Variants in CFAP54 observed in about 807,000 individuals in gnomAD.
CFAP54 encodes the protein cilia- and flagella-associated protein 54.
Under a neutral mutation model 370.4 loss-of-function variants are expected in CFAP54, and 290 were observed. The observed-to-expected ratio is 0.78, with a 90% CI of 0.71 to 0.86. The LOEUF (loss-of-function observed/expected upper bound fraction) is 0.86. Ranked by LOEUF, CFAP54 falls within the 40% of genes least tolerant of loss-of-function variation. The pLI is 0.00. For missense variants in CFAP54, 3,399 were observed against 3,528.7 expected (o/e 0.96, Z 0.93); for synonymous variants, 1,206 against 1,236.5 (o/e 0.98, Z 0.52).
chr12:96,695,132 C>T (rs1372368563), intron 45 of CFAP54, among the ~76,000 whole-genome samples: 1 of 152,188 alleles, frequency 6.6e-6, no homozygotes, highest in Admixed American at 6.5e-5. Context: ...CTTCAAGCTA[C>T]CGACAAGACA....
intron 60 of CFAP54, among the ~76,000 whole-genome samples, chr12:96,779,090 C>T (rs566142601): frequency 1.8e-4 from 24 of 136,114 alleles, no homozygotes; most frequent in South Asian, 6.8e-4. Flanking sequence ...CTGGGCAACA[C>T]GAGTGAATCT....
At chr12:96,635,580 G>GT (rs1956655181) in intron 32 of CFAP54, among the ~76,000 whole-genome samples, 1 of 152,082 alleles carries the variant, frequency 6.6e-6, no homozygotes, top group Admixed American at 6.6e-5. Flanking sequence ...TGCTGACACT[G>GT]TCGACATACA....
intron 26 of CFAP54, among the ~76,000 whole-genome samples, chr12:96,600,828 G>A (rs1209831987): frequency 6.6e-6 from 1 of 152,206 alleles, no homozygotes; most frequent in Non-Finnish European, 1.5e-5. Flanking sequence ...AGACTTTGCT[G>A]AAGCTGCTTA....
chr12:96,700,353 T>A (rs1957478753), intron 46 of CFAP54, among the ~76,000 whole-genome samples: 1 of 152,184 alleles, frequency 6.6e-6, no homozygotes, highest in Admixed American at 6.5e-5. Flanking sequence ...TTGCTTTTTG[T>A]TAGTTACCAT....
intron 65 of CFAP54, among the ~76,000 whole-genome samples, chr12:96,819,083 G>A (rs1044058991): frequency 6.6e-5 from 10 of 152,160 alleles, no homozygotes; most frequent in Middle Eastern, 3.2e-3. Flanking sequence ...CCACAATTCC[G>A]CTCTGCAGAG....
chr12:96,733,328 T>G (rs1957943273), intron 50 of CFAP54, among the ~76,000 whole-genome samples: 1 of 152,174 alleles, frequency 6.6e-6, no homozygotes, highest in Non-Finnish European at 1.5e-5. Context: ...AAATGATGGT[T>G]AGCTTGACAT....
rs1956815697 is a variant in CFAP54, at chr12:96,647,943, T to C, written c.4616T>C (p.Leu1539Ser). ...GGAACAGTATTACCAACAAGAAAAT[T>C]GACTGTAGAAAATTATAAAGCAATG... ...NSGTVLPTRK[L>S]TVENYKAMLD... is the part of the protein sequence containing the mutation. Residue 1539 changes from leucine (L) to serine (S), a missense_variant, in exon 34 of 68, where the codon TTG (leucine) becomes TCG (serine). By Grantham distance (145) the Leu-to-Ser change is moderately radical (BLOSUM62 -2). Around this residue, in one of 3 missense-constraint regions of CFAP54, gnomAD observed 2,796 missense variants for 2,869.7 expected, o/e 0.97. Transcript: ENST00000524981. 16 of 1,523,340 alleles carry C rather than the reference T, an allele frequency of 1.1e-5. No homozygotes were observed. The highest frequency in any genetic ancestry group is 1.4e-5 in the Non-Finnish European group (16 of 1,142,990). 94.4% of individuals were successfully genotyped at this position (1,523,340 alleles called of 1,614,324 possible).
chr12:96,812,897 C>A (rs1195127182), intron 64 of CFAP54, among the ~76,000 whole-genome samples: 1 of 151,826 alleles, frequency 6.6e-6, no homozygotes, highest in Non-Finnish European at 1.5e-5. Context: ...CTCTCCTGTT[C>A]TTCCCTTCCT....
intron 32 of CFAP54, among the ~76,000 whole-genome samples, chr12:96,643,797 T>G (rs1956760927): frequency 6.6e-6 from 1 of 152,168 alleles, no homozygotes; most frequent in African/African-American, 2.4e-5. Context: ...TAAGGACCAA[T>G]ATAGAGAAAT....
chr12:96,686,310 A>T (rs1188926224), intron 42 of CFAP54, among the ~76,000 whole-genome samples: 2 of 151,990 alleles, frequency 1.3e-5, no homozygotes, highest in Admixed American at 6.6e-5. Flanking sequence ...CCTCATTTTC[A>T]CTTAGTTACT....
chr12:96,576,497 A>G, intron 19 of CFAP54, 88 bp from the exon 20 acceptor site: 1 of 991,938 alleles, frequency 1.0e-6, no homozygotes, highest in Non-Finnish European at 1.4e-6. Flanking sequence ...TAAAAATATA[A>G]CATTGTTTAA....
rs1276518802 is a variant in CFAP54 at position 96,720,435 on chromosome 12, C to A, written c.6835C>A (p.Leu2279Ile). The A allele has an allele frequency of 6.3e-7, 1 of 1,580,826 alleles. No individual in the cohort carries two copies. Among genetic ancestry groups the A allele is most frequent in the Non-Finnish European group, 8.6e-7 (1 of 1,162,180 alleles). The change falls in exon 50 of 68, where the codon CTA becomes ATA. Residue 2279 changes from leucine (L) to isoleucine (I), a missense_variant. Transcript: ENST00000524981. ...SMLLMEAEDR[L>I]NFLLSEVEQK... ...GTTACTGATGGAAGCTGAGGACAGG[C>A]TAAACTTCCTTCTGTCCGAGGTGGA...
chr12:96,540,498 G>A (rs1167936673), intron 13 of CFAP54, among the ~76,000 whole-genome samples: 3 of 152,032 alleles, frequency 2.0e-5, no homozygotes, highest in African/African-American at 4.8e-5. Flanking sequence ...TGCTTCAAAG[G>A]GACAGTGAGA....
intron 22 of CFAP54, among the ~76,000 whole-genome samples, chr12:96,583,669 G>A (rs1956050961): frequency 6.6e-6 from 1 of 152,186 alleles, no homozygotes; most frequent in Admixed American, 6.5e-5. Context: ...ATCCCTAAAA[G>A]GGTGTCTCAG....
chr12:96,774,588 CTCTT>C lies in CFAP54; in HGVS notation c.8281+9371_8281+9374del, dbSNP rs1341499594. The stretch of plus-strand genomic sequence containing the variant: ...AAGATAAGTCCCCATTAATTACTCT[CTCTT>C]GTGGCTTTTTTATGTGTTAAGTCTG... On this transcript the variant is annotated intron_variant, in intron 60 of 67. Coordinates refer to ENST00000524981, the MANE Select transcript of CFAP54 (RefSeq NM_001306084.2). Among the ~76,000 whole-genome samples, 13 of 152,200 alleles carry C rather than the reference CTCTT, an allele frequency of 8.5e-5. No homozygotes were observed. The East Asian group carries it at 2.5e-3, about 29-fold the overall frequency.
chr12:96,598,617 CA>C (rs1452460504), intron 25 of CFAP54, 27 bp from the exon 26 acceptor site: 3 of 584,004 alleles, frequency 5.1e-6, no homozygotes, highest in African/African-American at 1.9e-5. Flanking sequence ...CATTTTAAAA[CA>C]AAAATCATTG....
chr12:96,721,470 G>C (rs2136610577), intron 50 of CFAP54, among the ~76,000 whole-genome samples: 1 of 152,250 alleles, frequency 6.6e-6, no homozygotes, highest in South Asian at 2.1e-4. Flanking sequence ...GTATCCATAT[G>C]CTCACAGATA....
intron 40 of CFAP54, among the ~76,000 whole-genome samples, chr12:96,680,119 AC>A (rs1957254213): frequency 1.3e-5 from 2 of 152,348 alleles, no homozygotes; most frequent in South Asian, 4.1e-4. Flanking sequence ...GTTAACTAGA[AC>A]CTTTTGCCAA....
At chr12:96,554,471 T>A (rs1955731067) in intron 16 of CFAP54, among the ~76,000 whole-genome samples, 161 bp downstream of exon 16, 1 of 151,856 alleles carries the variant, frequency 6.6e-6, no homozygotes, top group Non-Finnish European at 1.5e-5. Context: ...GAATGAGGAG[T>A]CTTTGAATTT....
Sources: gnomAD v4.1 joint callset for allele counts (sites outside exome capture counted in the v4.1 genomes callset) on GRCh38, gnomAD v4.1.1 for gene constraint, gnomAD v4.1.1 regional missense constraint, MANE v1.5 for transcripts, NCBI Gene and HGNC (gene_info 2026-07-23, HGNC 2026-07-21) for gene names.